REEP1: variants seen among roughly 807,000 people sequenced by gnomAD.
The protein encoded by REEP1 is receptor expression-enhancing protein 1.
In REEP1, 22 loss-of-function variants were observed where a neutral mutation model predicts 40.3. The observed-to-expected ratio is 0.55, with a 90% CI of 0.39 to 0.78. The LOEUF (loss-of-function observed/expected upper bound fraction) is 0.78, where lower values mean the gene tolerates loss of function less well. Among genes scored for constraint, REEP1 ranks in the 30% least tolerant of loss-of-function variants. The pLI, the probability that REEP1 is intolerant of heterozygous loss-of-function variation, is 0.00. For missense variants in REEP1, 280 were observed against 361.1 expected, an observed-to-expected ratio of 0.78 and a Z score of 1.82; for synonymous variants, 116 against 139.2, an observed-to-expected ratio of 0.83 and a Z score of 1.17.
Position 86,214,771 on chromosome 2 carries a change from ATT to A in REEP1, c.*2266_*2267del, listed in dbSNP as rs765600561. The A allele has an allele frequency of 1.3e-5, 2 of 152,690 alleles. No homozygotes were observed. The highest frequency in any genetic ancestry group is 2.4e-5 in the African/African-American group (1 of 41,472). 9.5% of individuals were successfully genotyped at this position (152,690 alleles called of 1,614,324 possible). A position where few individuals can be genotyped will look rare whatever the true frequency, so the allele number is the denominator to read the frequency against. The stretch of plus-strand genomic sequence containing the variant: ...TTGAAGGAAAAATAGTTACATTTAC[ATT>A]AAGACAGAGTTTGGATACCTTTATA... On this transcript the variant is annotated 3_prime_UTR_variant, in exon 9 of 9. Transcript: ENST00000538924.
chr2:86,226,772 C>G lies in REEP1; in HGVS notation c.631+591G>C, dbSNP rs776487977. Among the ~76,000 whole-genome samples, 54 of 151,898 alleles carry G rather than the reference C, an allele frequency of 3.6e-4. 1 individual carries two copies. Among genetic ancestry groups the G allele is most frequent in the Non-Finnish European group, 8.8e-5 (6 of 67,966 alleles). On this transcript the variant is annotated intron_variant, in intron 7 of 8. Coordinates refer to ENST00000538924, the MANE Select transcript of REEP1 (RefSeq NM_001371279.1). ...GGCATGAGCCACCCCGCCCAGTGAC[C>G]CTGTGGTGGTTTTAAGATATCTCCA...
At chr2:86,273,147 A>AAAC (rs1677553240) in intron 2 of REEP1, among the ~76,000 whole-genome samples, 1 of 151,480 alleles carries the variant, frequency 6.6e-6, no homozygotes, top group Admixed American at 6.6e-5. Flanking sequence ...TCTCAAAAAA[A>AAAC]AAAAAAAATT....
At chr2:86,238,478 C>T (rs1336141161) in intron 5 of REEP1, among the ~76,000 whole-genome samples, 2 of 152,194 alleles carry the variant, frequency 1.3e-5, no homozygotes, top group Non-Finnish European at 2.9e-5. Flanking sequence ...GCAGCCTTGG[C>T]ATCTGCCACT....
intron 6 of REEP1, among the ~76,000 whole-genome samples, chr2:86,227,824 T>G (rs1674797629): frequency 1.3e-5 from 2 of 151,204 alleles, no homozygotes; most frequent in Non-Finnish European, 1.5e-5. Flanking sequence ...AACTGGCTGC[T>G]GCCTTGTACA....
At chr2:86,263,841 T>A (rs1352911986) in intron 3 of REEP1, 124 bp downstream of exon 3, 5 of 753,104 alleles carry the variant, frequency 6.6e-6, no homozygotes, top group Admixed American at 1.8e-5. Flanking sequence ...CCAGTTAACA[T>A]CCCTGCTCTT....
chr2:86,320,036 T>C (rs1332346566), intron 1 of REEP1, among the ~76,000 whole-genome samples: 1 of 152,230 alleles, frequency 6.6e-6, no homozygotes, highest in Non-Finnish European at 1.5e-5. Context: ...GAATAAATTT[T>C]TGTCAGTTTA....
chr2:86,218,940 C>T (rs562119579), intron 8 of REEP1, among the ~76,000 whole-genome samples: 11 of 152,350 alleles, frequency 7.2e-5, no homozygotes, highest in East Asian at 5.8e-4. Context: ...CTATTTGCTT[C>T]AGATGGCCTC....
chr2:86,323,931 T>C (rs1680388526), intron 1 of REEP1, among the ~76,000 whole-genome samples: 1 of 151,544 alleles, frequency 6.6e-6, no homozygotes, highest in Non-Finnish European at 1.5e-5. Context: ...TTTGAATAAA[T>C]AGAGCCAGGA....
intron 1 of REEP1, among the ~76,000 whole-genome samples, chr2:86,329,371 C>T (rs1680658691): frequency 6.6e-6 from 1 of 152,240 alleles, no homozygotes; most frequent in African/African-American, 2.4e-5. Flanking sequence ...GAACTGCCCT[C>T]TTCTATCCAG....
intron 5 of REEP1, among the ~76,000 whole-genome samples, chr2:86,248,323 T>C (rs1227334137): frequency 6.6e-6 from 1 of 152,214 alleles, no homozygotes; most frequent in Non-Finnish European, 1.5e-5. Context: ...GGGTGTTTTG[T>C]GGGAGGAGAA....
chr2:86,219,272 TCTTA>T (rs1180065554), intron 8 of REEP1, among the ~76,000 whole-genome samples: 1 of 152,230 alleles, frequency 6.6e-6, no homozygotes, highest in Non-Finnish European at 1.5e-5. Flanking sequence ...CAAGCCTTGT[TCTTA>T]TTTATAAAAA....
At chr2:86,312,704 A>C (rs1335032029) in intron 1 of REEP1, among the ~76,000 whole-genome samples, 1 of 152,238 alleles carries the variant, frequency 6.6e-6, no homozygotes, top group Non-Finnish European at 1.5e-5. Flanking sequence ...TATCTGTAAA[A>C]TGGAAATAAT....
chr2:86,337,356 T>G lies in REEP1; in HGVS notation c.32+123A>C. The G allele has an allele frequency of 8.6e-6, 5 of 578,346 alleles. No individual in the cohort carries two copies. The highest frequency in any genetic ancestry group is 9.8e-6 in the Non-Finnish European group (4 of 410,076). The allele number at this position is 578,346 out of a possible 1,614,324, so 35.8% of individuals were successfully genotyped here. ...CTCGGCGGCTACTGTACCTGCTAAA[T>G]TTAGCTGCGCCGGGTATTAATAGCC... On this transcript the variant is annotated intron_variant, in intron 1 of 8. Coordinates refer to ENST00000538924, the MANE Select transcript of REEP1 (RefSeq NM_001371279.1). This position sits in a 1 kb window ranked among gnomAD's most constrained non-coding sequence, Gnocchi z 5.8.
chr2:86,231,231 C>CT lies in REEP1; in HGVS notation c.595+1393dup, dbSNP rs201418670. Reference sequence around the variant, plus strand: ...TGTCTGGCCTTTTGGGATTCCATTCCTGGGGGGGGGTCCCTCGGGGGGTAA... The same window carrying CT: ...TGTCTGGCCTTTTGGGATTCCATTCCTTGGGGGGGGGTCCCTCGGGGGGTAA... On this transcript the variant is annotated intron_variant, in intron 6 of 8. Coordinates refer to ENST00000538924, the MANE Select transcript of REEP1 (RefSeq NM_001371279.1). Among the ~76,000 whole-genome samples, 148 of 151,764 alleles carry CT rather than the reference C, an allele frequency of 9.8e-4. 3 individuals carry two copies. The East Asian group carries it at 0.027, about 28-fold the overall frequency.
chr2:86,226,677 C>G (rs993814889), intron 7 of REEP1, among the ~76,000 whole-genome samples: 5 of 149,856 alleles, frequency 3.3e-5, no homozygotes. Context: ...GCTATATTGC[C>G]CAGGTTGGTC....
intron 1 of REEP1, among the ~76,000 whole-genome samples, chr2:86,313,080 C>A (rs1193396575): frequency 6.6e-6 from 1 of 152,060 alleles, no homozygotes; most frequent in African/African-American, 2.4e-5. Context: ...CACAGAAAAG[C>A]AAATGGATTA....
chr2:86,314,737 C>T (rs1296184373), intron 1 of REEP1, among the ~76,000 whole-genome samples: 1 of 149,398 alleles, frequency 6.7e-6, no homozygotes, highest in Non-Finnish European at 1.5e-5. Context: ...GTGGCGCGAT[C>T]TTGGCTCAGG....
At chr2:86,275,085 C>T (rs1331881227) in intron 2 of REEP1, among the ~76,000 whole-genome samples, 1 of 152,206 alleles carries the variant, frequency 6.6e-6, no homozygotes, top group South Asian at 2.1e-4. Context: ...CTTTCACACC[C>T]TCTTGCATCT....
intron 1 of REEP1, among the ~76,000 whole-genome samples, chr2:86,335,702 A>T (rs544003578): frequency 3.3e-5 from 5 of 152,158 alleles, no homozygotes; most frequent in African/African-American, 1.2e-4. Context: ...TACAAAAATT[A>T]GCTGGGCGTG....
Sources: gnomAD v4.1 joint callset for allele counts (sites outside exome capture counted in the v4.1 genomes callset) on GRCh38, gnomAD v4.1.1 for gene constraint, Gnocchi (gnomAD v3.1) non-coding constraint, MANE v1.5 for transcripts, NCBI Gene and HGNC (gene_info 2026-07-23, HGNC 2026-07-21) for gene names.